Variants in ARHGEF40 observed in about 807,000 individuals in gnomAD.
The protein encoded by ARHGEF40 is Rho guanine nucleotide exchange factor (GEF) 40.
A neutral mutation model predicts 165.9 loss-of-function variants in ARHGEF40; 98 were observed. The ratio of observed to expected loss-of-function variants is 0.59; its 90% CI spans 0.50 to 0.70. The LOEUF (loss-of-function observed/expected upper bound fraction) is 0.70. Among genes scored for constraint, ARHGEF40 ranks in the 30% least tolerant of loss-of-function variants. ARHGEF40 has a pLI of 0.00. For missense variants in ARHGEF40, 1,815 were observed against 1,968.0 expected (o/e 0.92, Z 1.47); for synonymous variants, 792 against 814.3 (o/e 0.97, Z 0.47).
In ARHGEF40 at chr14:21,070,731, C is replaced by G. The variant is rs185060561; in HGVS notation, c.3+332C>G. ...CTTCCTTTCCTGGAGCTTCCCTCCC[C>G]CTCCTGGTCCGAGCTCCTTACCCGC... On this transcript the variant is annotated intron_variant, in intron 1 of 23. Transcript: ENST00000298694. This position sits in a 1 kb window ranked among gnomAD's most constrained non-coding sequence, Gnocchi z 4.7. The G allele has an allele frequency of 2.8e-5, 38 of 1,352,956 alleles. No homozygotes were observed. The Admixed American group carries it at 3.1e-4, about 11-fold the overall frequency. 83.8% of individuals were successfully genotyped at this position (1,352,956 alleles called of 1,614,324 possible).
intron 12 of ARHGEF40, 31 bp from the exon 13 acceptor site, chr14:21,080,842 A>C (rs751706757): frequency 1.4e-5 from 22 of 1,610,032 alleles, no homozygotes; most frequent in Non-Finnish European, 1.6e-5. Flanking sequence ...AGGAGTGAGG[A>C]CCAGGTCTGA....
intron 20 of ARHGEF40, 84 bp downstream of exon 20, chr14:21,087,189 C>G: frequency 6.3e-7 from 1 of 1,583,802 alleles, no homozygotes; most frequent in East Asian, 2.2e-5. Flanking sequence ...GGTGGAAAGT[C>G]AGGAAAGGCA....
intron 10 of ARHGEF40, 118 bp downstream of exon 10, chr14:21,078,606 C>A (rs144586878): frequency 1.9e-6 from 2 of 1,080,790 alleles, no homozygotes; most frequent in African/African-American, 3.2e-5. Context: ...GGGCAAGATA[C>A]TATGCTTTTA....
At chr14:21,086,286 G>T (rs1888325352) in intron 19 of ARHGEF40, 1 of 175,920 alleles carries the variant, frequency 5.7e-6, no homozygotes, top group Non-Finnish European at 1.2e-5. Flanking sequence ...TGAGGTAGGA[G>T]GATCGCTTGA....
chr14:21,067,541 T>A (rs142465875), upstream of ARHGEF40, among the ~76,000 whole-genome samples: 1 of 152,128 alleles, frequency 6.6e-6, no homozygotes, highest in Non-Finnish European at 1.5e-5. Context: ...TTAGAGAGAG[T>A]TTATTAACTT....
At chr14:21,061,340 A>G in the ARHGEF40 span, among the ~76,000 whole-genome samples, 1 of 152,212 alleles carries the variant, frequency 6.6e-6, no homozygotes, top group East Asian at 1.9e-4. Flanking sequence ...TGAATCGTTA[A>G]GGAGACTAAT....
chr14:21,073,302 C>A lies in ARHGEF40; in HGVS notation c.201+60C>A. ...AAGATCCACTGCCACACTCTACAGA[C>A]TAGCCAGGCTGACTAATGCCCCCAC... On this transcript the variant is annotated intron_variant, in intron 2 of 23. Coordinates refer to ENST00000298694, the MANE Select transcript of ARHGEF40 (RefSeq NM_018071.5). The surrounding 1 kb of genome is among the most constrained non-coding windows in gnomAD (Gnocchi z 4.6). The A allele has an allele frequency of 6.6e-7, 1 of 1,517,640 alleles. No individual in the cohort carries two copies. The highest frequency in any genetic ancestry group is 8.9e-7 in the Non-Finnish European group (1 of 1,123,168). The allele number at this position is 1,517,640 out of a possible 1,614,324, so 94.0% of individuals were successfully genotyped here. A position where few individuals can be genotyped will look rare whatever the true frequency, so the allele number is the denominator to read the frequency against.
rs755702126 is a variant in ARHGEF40 at position 21,087,430 on chromosome 14, G to A, written c.4354G>A (p.Ala1452Thr). The A allele has an allele frequency of 6.2e-7, 1 of 1,601,122 alleles. No individual in the cohort carries two copies. Among genetic ancestry groups the A allele is most frequent in the Non-Finnish European group, 8.5e-7 (1 of 1,179,930 alleles). The change falls in exon 21 of 24, where the codon GCC becomes ACC. Residue 1452 changes from alanine to threonine, a missense_variant. Transcript: ENST00000298694. ...CSLPARVEEE[A>T]WDLDVKQISL... ...CCTGCCTGCCCGCGTCGAGGAGGAG[G>A]CCTGGGATCTGGACGTCAAGCAAAT...
chr14:21,086,779 G>T, intron 19 of ARHGEF40: 1 of 523,292 alleles, frequency 1.9e-6, no homozygotes, highest in Non-Finnish European at 3.5e-6. Flanking sequence ...GCAACATATT[G>T]GAGAGAAGAG....
At chr14:21,081,328 A>G (rs1594569801) in intron 13 of ARHGEF40, 181 bp from the exon 14 acceptor site, 15 of 910,448 alleles carry the variant, frequency 1.6e-5, no homozygotes, top group Non-Finnish European at 2.3e-5. Flanking sequence ...AGGCTCTTCC[A>G]TCTCCATACC....
chr14:21,075,235 A>G lies in ARHGEF40; in HGVS notation c.1450+55A>G, dbSNP rs1202389268. ...GCAAGGGCCAAAGCAGGTCGGGCCT[A>G]TGGGAGGGGGCAGGAGGAGGAGCAG... On this transcript the variant is annotated intron_variant, in intron 3 of 23. Transcript: ENST00000298694. The surrounding 1 kb of genome is among the most constrained non-coding windows in gnomAD (Gnocchi z 4.5). 6.3e-6 allele frequency: 10 copies of G among 1,585,838 alleles called. No individual in the cohort carries two copies. The East Asian group carries it at 1.3e-4, about 21-fold the overall frequency.
intron 15 of ARHGEF40, 111 bp from the exon 16 acceptor site, chr14:21,082,720 C>T (rs1888021119): frequency 2.5e-6 from 3 of 1,202,756 alleles, no homozygotes; most frequent in Admixed American, 2.0e-5. Context: ...CTGAGTGCTC[C>T]CTGGTGACCC....
At chr14:21,066,374 C>CA (rs1374657003), upstream of ARHGEF40, among the ~76,000 whole-genome samples, 4 of 150,220 alleles carry the variant, frequency 2.7e-5, no homozygotes, top group African/African-American at 9.8e-5. Flanking sequence ...GGCTGGAGTG[C>CA]AGTGGCACGA....
At chr14:21,078,856 G>T (rs945706320) in intron 10 of ARHGEF40, 28 bp from the exon 11 acceptor site, 18 of 1,602,736 alleles carry the variant, frequency 1.1e-5, no homozygotes, top group Non-Finnish European at 1.4e-5. Flanking sequence ...CAAGGGAAAT[G>T]ATTCATTCTT....
At chr14:21,086,699 T>G in intron 19 of ARHGEF40, 2 of 312,698 alleles carry the variant, frequency 6.4e-6, no homozygotes, top group Non-Finnish European at 6.1e-6. Context: ...GTTTTTTGTG[T>G]GTGTATGTGC....
chr14:21,074,559 G>A lies in ARHGEF40; in HGVS notation c.829G>A (p.Ala277Thr), dbSNP rs377294798. The part of the protein sequence containing the change: ...RVRTVPTRKG[A>T]GGKGRHRRHR... ...CCGGACGGTACCCACCCGCAAGGGC[G>A]CTGGAGGGAAGGGCCGCCACCGGAG... Residue 277 changes from alanine (A) to threonine (T), a missense_variant, in exon 3 of 24, where the codon GCT becomes ACT. Transcript: ENST00000298694. This position sits in a 1 kb window ranked among gnomAD's most constrained non-coding sequence, Gnocchi z 4.8. 16 of 1,553,662 alleles carry A rather than the reference G, an allele frequency of 1.0e-5. No homozygotes were observed. The South Asian group carries it at 1.3e-4, about 13-fold the overall frequency.
intron 19 of ARHGEF40, chr14:21,086,137 G>A: frequency 2.6e-6 from 1 of 377,384 alleles, no homozygotes; most frequent in Non-Finnish European, 4.9e-6. Context: ...GCGCATTTTG[G>A]GAGGCCAAAG....
In ARHGEF40 at chr14:21,083,959, G is replaced by C; in HGVS notation, c.3698G>C (p.Cys1233Ser). 1 of 1,613,942 alleles carries C rather than the reference G, an allele frequency of 6.2e-7. No individual in the cohort carries two copies. The highest frequency in any genetic ancestry group is 8.5e-7 in the Non-Finnish European group (1 of 1,179,978). ...REAGPELSSE[C>S]RALGAAVQLL... ...GCTGGGCCTGAGCTCAGTTCTGAGTGCCGGGCCCTTGGGGCTGCTGTACAG... is the reference window on the plus strand; with the variant it reads ...GCTGGGCCTGAGCTCAGTTCTGAGTCCCGGGCCCTTGGGGCTGCTGTACAG... The change falls in exon 17 of 24, where the codon TGC (cysteine) becomes TCC (serine). Residue 1233 changes from cysteine to serine, a missense_variant. Physicochemically the swap from Cys to Ser is moderately radical, Grantham distance 112. Coordinates refer to ENST00000298694, the MANE Select transcript of ARHGEF40 (RefSeq NM_018071.5).
intron 22 of ARHGEF40, among the ~76,000 whole-genome samples, chr14:21,088,557 G>A (rs73589929): frequency 0.025 from 3,839 of 151,722 alleles, 160 homozygotes; most frequent in African/African-American, 0.087. Context: ...TGAGGGGTGC[G>A]CACCTATAGT....
Sources: allele counts gnomAD v4.1 joint callset (sites outside exome capture counted in the v4.1 genomes callset), GRCh38; gene constraint gnomAD v4.1.1; non-coding constraint Gnocchi (gnomAD v3.1); transcripts MANE v1.5; gene names NCBI Gene and HGNC (gene_info 2026-07-23, HGNC 2026-07-21).